The following UBR1 variants were observed in gnomAD, a reference collection of about 807,000 sequenced individuals.
UBR1 encodes the protein ubiquitin protein ligase E3 component n-recognin 1.
UBR1 carries 102 observed loss-of-function variants against 242.1 expected under a neutral mutation model. That is an observed-to-expected ratio of 0.42 (90% CI 0.36 to 0.50). UBR1 has a LOEUF of 0.50. Among genes scored for constraint, UBR1 ranks in the 20% least tolerant of loss-of-function variants. The pLI, the probability that UBR1 is intolerant of heterozygous loss-of-function variation, is 0.01. For synonymous variants in UBR1, 675 were observed against 684.8 expected (o/e 0.99, Z 0.22); for missense variants, 1,772 against 2,101.8 (o/e 0.84, Z 3.07).
chr15:43,015,180 G>C (rs1017640336), intron 29 of UBR1, among the ~76,000 whole-genome samples: 2 of 152,254 alleles, frequency 1.3e-5, no homozygotes, highest in African/African-American at 4.8e-5. Flanking sequence ...TGATGATAAT[G>C]GTGGTTTTGT....
chr15:43,091,906 CAAAAAA>C (rs58586323), intron 1 of UBR1: 358 of 179,780 alleles, frequency 2.0e-3, no homozygotes, highest in East Asian at 3.8e-3. Flanking sequence ...TACACCATCT[CAAAAAA>C]AAAAAAAAAA....
At chr15:43,080,057 T>C (rs568801850) in intron 3 of UBR1, among the ~76,000 whole-genome samples, 1 of 152,342 alleles carries the variant, frequency 6.6e-6, no homozygotes, top group South Asian at 2.1e-4. Flanking sequence ...CAGCAAACTT[T>C]CTGTGTAAGG....
chr15:43,002,471 T>C (rs2032741307), intron 32 of UBR1, 84 bp downstream of exon 32: 8 of 1,476,768 alleles, frequency 5.4e-6, no homozygotes. Context: ...TCCGCCCATC[T>C]CAGTCTCCCA....
intron 15 of UBR1, 80 bp from the exon 16 acceptor site, chr15:43,038,312 TGTGC>T: frequency 6.9e-7 from 1 of 1,445,480 alleles, no homozygotes; most frequent in Non-Finnish European, 9.7e-7. Flanking sequence ...TTTAGAAACT[TGTGC>T]GATTTGATTT....
chr15:43,023,299 T>C (rs756897802), intron 25 of UBR1, among the ~76,000 whole-genome samples: 1 of 151,782 alleles, frequency 6.6e-6, no homozygotes, highest in Non-Finnish European at 1.5e-5. Context: ...ATATGAAAAA[T>C]GTTCAACCTG....
intron 43 of UBR1, among the ~76,000 whole-genome samples, chr15:42,958,680 A>G (rs1054642173): frequency 5.9e-5 from 9 of 152,218 alleles, no homozygotes; most frequent in Admixed American, 2.0e-4. Flanking sequence ...GTAAAACACA[A>G]TATACTTAGT....
intron 1 of UBR1, among the ~76,000 whole-genome samples, chr15:43,101,424 T>C (rs940946538): frequency 2.0e-5 from 3 of 152,116 alleles, no homozygotes; most frequent in Admixed American, 2.0e-4. Flanking sequence ...GACAGAATTA[T>C]TTGTCTTCAA....
chr15:43,035,521 A>AT (rs1282348553), intron 19 of UBR1, among the ~76,000 whole-genome samples: 2 of 150,208 alleles, frequency 1.3e-5, no homozygotes, highest in Middle Eastern at 3.2e-3. Flanking sequence ...TAGATTCTGG[A>AT]TATTAGCCCT....
At chr15:43,086,979 A>G (rs897145615) in intron 1 of UBR1, among the ~76,000 whole-genome samples, 3 of 152,204 alleles carry the variant, frequency 2.0e-5, no homozygotes, top group Non-Finnish European at 4.4e-5. Context: ...ACCGCACTTC[A>G]GCCTCGACAA....
chr15:42,990,266 T>C (rs1303959238), intron 33 of UBR1, 146 bp from the exon 34 acceptor site: 1 of 644,916 alleles, frequency 1.6e-6, no homozygotes, highest in African/African-American at 1.8e-5. Flanking sequence ...GTAGCTTCCA[T>C]CTCCCAGGCT....
At chr15:43,013,838 C>T (rs2032962484) in intron 29 of UBR1, among the ~76,000 whole-genome samples, 1 of 152,130 alleles carries the variant, frequency 6.6e-6, no homozygotes, top group East Asian at 1.9e-4. Flanking sequence ...ACTTTTCCTC[C>T]AAAAATTGAG....
At chr15:43,042,351 T>TA (rs535419457) in intron 15 of UBR1, among the ~76,000 whole-genome samples, 20 of 150,470 alleles carry the variant, frequency 1.3e-4, no homozygotes, top group Non-Finnish European at 2.2e-4. Context: ...ATTCAGCCTT[T>TA]AAAAAAAAAG....
At chr15:43,010,296 A>G (rs2032902602) in intron 29 of UBR1, among the ~76,000 whole-genome samples, 1 of 152,160 alleles carries the variant, frequency 6.6e-6, no homozygotes, top group African/African-American at 2.4e-5. Flanking sequence ...CGCAGGATGC[A>G]GTCCCACAAT....
chr15:43,059,316 C>G, intron 8 of UBR1, 124 bp from the exon 9 acceptor site: 1 of 788,420 alleles, frequency 1.3e-6, no homozygotes, highest in Non-Finnish European at 2.2e-6. Context: ...CCTTCCACCT[C>G]AGCCTCTCAC....
intron 29 of UBR1, among the ~76,000 whole-genome samples, chr15:43,012,767 CTTTTTA>C (rs1249443679): frequency 1.3e-5 from 2 of 152,122 alleles, no homozygotes; most frequent in African/African-American, 2.4e-5. Flanking sequence ...ACCTTCATAT[CTTTTTA>C]TTTTTAATCA....
chr15:42,978,719 TTTC>T (rs1363330030), intron 37 of UBR1, among the ~76,000 whole-genome samples: 1 of 145,572 alleles, frequency 6.9e-6, no homozygotes, highest in Non-Finnish European at 1.5e-5. Context: ...GTAAATTTCT[TTTC>T]TTTTCTTTTC....
At chr15:42,966,481 G>A (rs1233525649) in intron 40 of UBR1, among the ~76,000 whole-genome samples, 195 bp from the exon 41 acceptor site, 1 of 152,164 alleles carries the variant, frequency 6.6e-6, no homozygotes, top group Non-Finnish European at 1.5e-5. Flanking sequence ...GAGGTCAGGA[G>A]TTCAAGACCA....
chr15:42,985,021 C>T, intron 35 of UBR1, 79 bp from the exon 36 acceptor site: 1 of 1,091,354 alleles, frequency 9.2e-7, no homozygotes, highest in South Asian at 1.6e-5. Flanking sequence ...ATCAAATGTT[C>T]TTTAATAATA....
At chr15:42,991,332 G>T (rs1159747449) in intron 33 of UBR1, among the ~76,000 whole-genome samples, 1 of 151,968 alleles carries the variant, frequency 6.6e-6, no homozygotes, top group African/African-American at 2.4e-5. Context: ...AATTTCCTGG[G>T]CTCAAAGCAT....
Sources: gnomAD v4.1 joint callset for allele counts (sites outside exome capture counted in the v4.1 genomes callset) on GRCh38, gnomAD v4.1.1 for gene constraint, MANE v1.5 for transcripts, NCBI Gene and HGNC (gene_info 2026-07-23, HGNC 2026-07-21) for gene names.